CALN1: variants seen among roughly 807,000 people sequenced by gnomAD.
The protein encoded by CALN1 is calneuron 1.
Under a neutral mutation model 30.6 loss-of-function variants are expected in CALN1, and 17 were observed. That is an observed-to-expected ratio of 0.56 (90% CI 0.38 to 0.83). CALN1 has a LOEUF of 0.83. Among genes scored for constraint, CALN1 ranks in the 40% least tolerant of loss-of-function variants. The probability of loss-of-function intolerance (pLI) is 0.00; values close to 1 mark genes in which losing one functional copy is unlikely to be tolerated. For missense variants in CALN1, 291 were observed against 354.9 expected (o/e 0.82, Z 1.45); for synonymous variants, 156 against 131.4 (o/e 1.19, Z -1.28).
intron 5 of CALN1, among the ~76,000 whole-genome samples, chr7:71,879,669 T>A (rs1792453444): frequency 6.6e-6 from 1 of 152,288 alleles, no homozygotes; most frequent in East Asian, 1.9e-4. Flanking sequence ...GGTCCAAGGA[T>A]GGCAGAGAGG....
chr7:71,995,026 AT>A (rs1799179096), intron 5 of CALN1, among the ~76,000 whole-genome samples: 4 of 151,938 alleles, frequency 2.6e-5, no homozygotes, highest in Non-Finnish European at 5.9e-5. Flanking sequence ...CTAATTTTTT[AT>A]ATTTTCAGTA....
chr7:72,108,041 C>T (rs1450010933), intron 3 of CALN1, among the ~76,000 whole-genome samples: 4 of 152,162 alleles, frequency 2.6e-5, no homozygotes, highest in Non-Finnish European at 2.9e-5. Context: ...AGTCTGGAGG[C>T]CAAAATTCCA....
chr7:71,827,189 G>A (rs1002294629), intron 5 of CALN1, among the ~76,000 whole-genome samples: 5 of 152,156 alleles, frequency 3.3e-5, no homozygotes, highest in Non-Finnish European at 7.4e-5. Context: ...TGTGAATACA[G>A]ACAGCTTGTC....
Position 72,137,680 on chromosome 7 carries a change from T to G in CALN1, c.245-31386A>C, listed in dbSNP as rs77030037. Among the ~76,000 whole-genome samples, 1,052 of 152,350 alleles carry G rather than the reference T, an allele frequency of 6.9e-3. 14 individuals carry two copies. The highest frequency in any genetic ancestry group is 0.023 in the African/African-American group (969 of 41,578). On this transcript the variant is annotated intron_variant, in intron 3 of 6. Transcript: ENST00000395275. The stretch of plus-strand genomic sequence containing the variant: ...AAATTATTTGGATAACTGGGGAAAT[T>G]TGAATAGAGTCTGTGGATTAGGTGG...
At chr7:71,903,775 GA>G (rs1413621726) in intron 5 of CALN1, among the ~76,000 whole-genome samples, 2 of 152,288 alleles carry the variant, frequency 1.3e-5, no homozygotes, top group Non-Finnish European at 2.9e-5. Flanking sequence ...CTACAGAATG[GA>G]GGAAAATATT....
chr7:72,092,115 C>T lies in CALN1; in HGVS notation c.388+14036G>A, dbSNP rs114944844. Reference sequence around the variant, plus strand: ...AGTTTATTTTAGTGGTAATGCTTTCCTTCTTAATTAAATATGCTATCTTTG... The same window carrying T: ...AGTTTATTTTAGTGGTAATGCTTTCTTTCTTAATTAAATATGCTATCTTTG... On this transcript the variant is annotated intron_variant, in intron 4 of 6. Transcript: ENST00000395275. 3.1e-3 allele frequency among the ~76,000 whole-genome samples: 467 copies of T among 152,020 alleles called. 2 individuals carry two copies. Among genetic ancestry groups the T allele is most frequent in the African/African-American group, 9.9e-3 (410 of 41,480 alleles).
intron 5 of CALN1, among the ~76,000 whole-genome samples, chr7:71,987,078 ATCCCG>A (rs1798711228): frequency 1.3e-5 from 2 of 151,932 alleles, no homozygotes; most frequent in Non-Finnish European, 2.9e-5. Flanking sequence ...GTGAGCCGAG[ATCCCG>A]CTACTGCACT....
chr7:71,862,382 G>A (rs781209092), intron 5 of CALN1, among the ~76,000 whole-genome samples: 5 of 152,172 alleles, frequency 3.3e-5, no homozygotes, highest in Non-Finnish European at 7.3e-5. Flanking sequence ...CATGGAGGCA[G>A]GTCTTTCCCG....
intron 4 of CALN1, among the ~76,000 whole-genome samples, chr7:72,027,764 C>G (rs1165060634): frequency 6.8e-6 from 1 of 147,666 alleles, no homozygotes; most frequent in Non-Finnish European, 1.5e-5. Flanking sequence ...CACACAAAAA[C>G]ACATGAGACC....
chr7:72,318,968 A>C (rs1800685074), intron 2 of CALN1, among the ~76,000 whole-genome samples: 1 of 152,182 alleles, frequency 6.6e-6, no homozygotes, highest in African/African-American at 2.4e-5. Flanking sequence ...TATGGAAAAC[A>C]ATATGAAGAT....
chr7:72,281,846 C>A (rs1451255450), intron 2 of CALN1, among the ~76,000 whole-genome samples: 1 of 152,150 alleles, frequency 6.6e-6, no homozygotes. Context: ...CCAACCCACG[C>A]CCCAGTTCAG....
At chr7:72,234,168 G>T (rs17144413) in intron 3 of CALN1, among the ~76,000 whole-genome samples, 1 of 152,170 alleles carries the variant, frequency 6.6e-6, no homozygotes, top group Non-Finnish European at 1.5e-5. Context: ...CAAAGATAGA[G>T]GCAGTTTGCA....
intron 3 of CALN1, among the ~76,000 whole-genome samples, chr7:72,169,828 T>C (rs1788810803): frequency 6.6e-6 from 1 of 151,576 alleles, no homozygotes; most frequent in Non-Finnish European, 1.5e-5. Context: ...GTAGCTAGGA[T>C]TACAGGTGCC....
In CALN1 at chr7:71,886,773, CAA is replaced by C. The variant is rs1314583586; in HGVS notation, c.502-76283_502-76282del. 1.9e-3 allele frequency among the ~76,000 whole-genome samples: 185 copies of C among 98,242 alleles called. 1 individual carries two copies. Among genetic ancestry groups the C allele is most frequent in the African/African-American group, 4.3e-3 (127 of 29,494 alleles). The allele number at this position is 98,242 out of a possible 152,430, so 64.5% of individuals were successfully genotyped here. The stretch of plus-strand genomic sequence containing the variant: ...GGACAACAAAAGTGAGACTCCATCT[CAA>C]AAAAAAAAAAAAAAAAATATTGCAT... On this transcript the variant is annotated intron_variant, in intron 5 of 6. Transcript: ENST00000395275.
intron 4 of CALN1, among the ~76,000 whole-genome samples, chr7:72,049,340 T>C (rs2129535509): frequency 6.6e-6 from 1 of 152,244 alleles, no homozygotes; most frequent in South Asian, 2.1e-4. Flanking sequence ...CCGAGAATAC[T>C]AGAAGGTATA....
In CALN1 at chr7:72,285,663, T is replaced by C. The variant is rs147854112; in HGVS notation, c.120-6853A>G. ...TCTAAAGTATTTAATTTATGTTGTA[T>C]AGATTTCTGGTAATGAACCACAGAG... On this transcript the variant is annotated intron_variant, in intron 2 of 6. Coordinates refer to ENST00000395275, the MANE Select transcript of CALN1 (RefSeq NM_031468.4). 5.9e-4 allele frequency among the ~76,000 whole-genome samples: 90 copies of C among 152,354 alleles called. 1 individual carries two copies. The highest frequency in any genetic ancestry group is 4.8e-3 in the Admixed American group (73 of 15,302).
At chr7:72,135,064 G>A (rs973242884) in intron 3 of CALN1, among the ~76,000 whole-genome samples, 13 of 152,172 alleles carry the variant, frequency 8.5e-5, no homozygotes, top group African/African-American at 2.9e-4. Flanking sequence ...TCATGAGATT[G>A]CAGAAATTCA....
intron 4 of CALN1, among the ~76,000 whole-genome samples, chr7:72,033,452 T>C (rs73701646): frequency 0.026 from 3,900 of 152,312 alleles, 188 homozygotes; most frequent in African/African-American, 0.088. Context: ...TGCAATCCAT[T>C]ACTCAAGGCA....
At chr7:72,041,212 T>A (rs1008536706) in intron 4 of CALN1, among the ~76,000 whole-genome samples, 11 of 151,964 alleles carry the variant, frequency 7.2e-5, no homozygotes, top group African/African-American at 2.4e-4. Context: ...GCCTGAGAGA[T>A]CAAGGGACAC....
Sources: gnomAD v4.1 joint callset for allele counts (sites outside exome capture counted in the v4.1 genomes callset) on GRCh38, gnomAD v4.1.1 for gene constraint, MANE v1.5 for transcripts, NCBI Gene and HGNC (gene_info 2026-07-23, HGNC 2026-07-21) for gene names.